UGT2A1: variants seen among roughly 807,000 people sequenced by gnomAD.
UGT2A1 encodes UDP-glucuronosyltransferase 2A1.
A neutral mutation model predicts 45.4 loss-of-function variants in UGT2A1; 61 were observed. The observed-to-expected ratio is 1.34, with a 90% CI of 1.09 to 1.66. The LOEUF (loss-of-function observed/expected upper bound fraction) is 1.66, where lower values mean the gene tolerates loss of function less well. Ranked by LOEUF, UGT2A1 falls within the 40% of genes most tolerant of loss-of-function variation. The pLI is 0.00. For synonymous variants in UGT2A1, 229 were observed against 196.2 expected, an observed-to-expected ratio of 1.17 and a Z score of -1.40; for missense variants, 649 against 574.3, an observed-to-expected ratio of 1.13 and a Z score of -1.33.
At chr4:69,596,984 A>G (rs778683405) in intron 4 of UGT2A1, among the ~76,000 whole-genome samples, 7 of 152,224 alleles carry the variant, frequency 4.6e-5, no homozygotes, top group Non-Finnish European at 8.8e-5. Context: ...CCCAAGGCTT[A>G]ATTTAACCAA....
At chr4:69,601,746 A>G (rs7689493) in intron 3 of UGT2A1, among the ~76,000 whole-genome samples, 23,970 of 139,834 alleles carry the variant, frequency 0.17, 4,935 homozygotes, top group Non-Finnish European at 0.21. Flanking sequence ...GCTGGTATCC[A>G]CTGATGGGAG....
At chr4:69,616,240 G>T (rs1055356000) in intron 3 of UGT2A1, among the ~76,000 whole-genome samples, 1 of 151,810 alleles carries the variant, frequency 6.6e-6, no homozygotes, top group Admixed American at 6.6e-5. Flanking sequence ...AAGGTCTTGG[G>T]GGGTGGGGAG....
chr4:69,627,382 A>T (rs1369123050), intron 3 of UGT2A1, among the ~76,000 whole-genome samples: 3 of 151,836 alleles, frequency 2.0e-5, no homozygotes, highest in Non-Finnish European at 4.4e-5. Flanking sequence ...ATTACTACAT[A>T]ATAGATTCAT....
At position 69,636,344 on chromosome 4, in the gene UGT2A1, G is replaced by C. The variant is rs556783077; in HGVS notation, c.716-522C>G. On this transcript the variant is annotated intron_variant, in intron 2 of 6. Transcript: ENST00000286604. ...GTTAGCAGGTGTTCTTAATCCTTTT[G>C]TTTGTGATGGCAAACAAAATACAAA... Among the ~76,000 whole-genome samples the C allele has an allele frequency of 3.9e-5, 6 of 152,110 alleles. No homozygotes were observed. In the South Asian group the frequency reaches 1.2e-3, roughly 32 times the overall value.
chr4:69,601,921 C>A (rs1477496134), intron 3 of UGT2A1, among the ~76,000 whole-genome samples: 3 of 135,900 alleles, frequency 2.2e-5, no homozygotes, highest in South Asian at 2.4e-4. Flanking sequence ...TGTACCACAA[C>A]CATGCAACTT....
At chr4:69,599,148 T>C (rs1369951590) in intron 4 of UGT2A1, 98 bp downstream of exon 4, 5 of 1,441,660 alleles carry the variant, frequency 3.5e-6, no homozygotes, top group Non-Finnish European at 4.6e-6. Flanking sequence ...AACTGAAATG[T>C]CCAGCAGCAT....
intron 3 of UGT2A1, among the ~76,000 whole-genome samples, chr4:69,608,752 G>T (rs1444689149): frequency 6.6e-6 from 1 of 152,074 alleles, no homozygotes; most frequent in Non-Finnish European, 1.5e-5. Context: ...CTGGAGTGCA[G>T]TGGCGCCATC....
chr4:69,597,305 G>T (rs1340441912), intron 4 of UGT2A1, among the ~76,000 whole-genome samples: 1 of 152,156 alleles, frequency 6.6e-6, no homozygotes, highest in African/African-American at 2.4e-5. Context: ...TCTTCTTGAT[G>T]TATAAGCTGC....
At chr4:69,591,256 C>A (rs1247361864) in intron 6 of UGT2A1, among the ~76,000 whole-genome samples, 4 of 152,082 alleles carry the variant, frequency 2.6e-5, no homozygotes, top group African/African-American at 9.7e-5. Flanking sequence ...GGCTGGGGTG[C>A]AGCTTGGTTT....
At chr4:69,599,176 T>C (rs1282330715) in intron 4 of UGT2A1, 70 bp downstream of exon 4, 8 of 1,500,742 alleles carry the variant, frequency 5.3e-6, no homozygotes, top group Non-Finnish European at 6.2e-6. Context: ...TTATTGAGGC[T>C]ATAAACTTTA....
At chr4:69,617,493 A>G (rs1273361409) in intron 3 of UGT2A1, among the ~76,000 whole-genome samples, 1 of 151,976 alleles carries the variant, frequency 6.6e-6, no homozygotes, top group Admixed American at 6.6e-5. Flanking sequence ...GTACAAAACC[A>G]AGATGAACAC....
intron 2 of UGT2A1, chr4:69,639,367 T>C: frequency 6.2e-7 from 1 of 1,613,702 alleles, no homozygotes; most frequent in South Asian, 1.1e-5. Context: ...AAGGAATCTA[T>C]ATTGCTCTTC....
chr4:69,630,059 A>G (rs1721299648), intron 3 of UGT2A1, among the ~76,000 whole-genome samples: 1 of 152,096 alleles, frequency 6.6e-6, no homozygotes. Flanking sequence ...TTTAAACGTG[A>G]CTTTAAATTA....
chr4:69,631,221 T>A (rs1009748896), intron 3 of UGT2A1, among the ~76,000 whole-genome samples: 8 of 152,146 alleles, frequency 5.3e-5, no homozygotes, highest in African/African-American at 1.7e-4. Context: ...TATACTGTTT[T>A]AGTGAAATTA....
At chr4:69,611,577 G>T (rs192399776) in intron 3 of UGT2A1, among the ~76,000 whole-genome samples, 1 of 151,944 alleles carries the variant, frequency 6.6e-6, no homozygotes, top group Non-Finnish European at 1.5e-5. Context: ...TGTTAGCATA[G>T]AAATACTTCT....
chr4:69,598,609 C>A (rs891061703), intron 4 of UGT2A1, among the ~76,000 whole-genome samples: 1 of 152,116 alleles, frequency 6.6e-6, no homozygotes, highest in South Asian at 2.1e-4. Context: ...TGAATTTACA[C>A]TTTGTACTAC....
intron 3 of UGT2A1, among the ~76,000 whole-genome samples, chr4:69,613,406 T>A (rs1410479906): frequency 6.6e-6 from 1 of 151,962 alleles, no homozygotes; most frequent in Admixed American, 6.6e-5. Context: ...ACCAAACATT[T>A]GAATAACTAA....
intron 2 of UGT2A1, among the ~76,000 whole-genome samples, chr4:69,645,880 G>A (rs1004506637): frequency 1.2e-4 from 18 of 151,558 alleles, no homozygotes; most frequent in Non-Finnish European, 1.2e-4. Context: ...AATATCCATC[G>A]CACCTGTGCT....
intron 3 of UGT2A1, among the ~76,000 whole-genome samples, chr4:69,620,655 CAA>C (rs57029226): frequency 0.033 from 4,292 of 130,674 alleles, 207 homozygotes; most frequent in African/African-American, 0.11. Flanking sequence ...TATATGGAAC[CAA>C]AAAAAAAAAA....
Sources: gnomAD v4.1 joint callset for allele counts (sites outside exome capture counted in the v4.1 genomes callset) on GRCh38, gnomAD v4.1.1 for gene constraint, MANE v1.5 for transcripts, NCBI Gene and HGNC (gene_info 2026-07-23, HGNC 2026-07-21) for gene names.